CDK19: variants seen among roughly 807,000 people sequenced by gnomAD.
The protein encoded by CDK19 is cyclin-dependent kinase 19.
Under a neutral mutation model 68.3 loss-of-function variants are expected in CDK19, and 20 were observed. That is an observed-to-expected ratio of 0.29 (90% confidence interval 0.21 to 0.43). The LOEUF (loss-of-function observed/expected upper bound fraction) is 0.43, where lower values mean the gene tolerates loss of function less well. Ranked by LOEUF, CDK19 falls within the 20% of genes least tolerant of loss-of-function variation. The pLI, the probability that CDK19 is intolerant of heterozygous loss-of-function variation, is 1.00. For synonymous variants in CDK19, 221 were observed against 222.8 expected (o/e 0.99, Z 0.07); for missense variants, 339 against 623.5 (o/e 0.54, Z 4.86).
chr6:110,767,672 G>C (rs955571887), intron 1 of CDK19, among the ~76,000 whole-genome samples: 1 of 151,818 alleles, frequency 6.6e-6, no homozygotes, highest in African/African-American at 2.4e-5. Flanking sequence ...AGAGAATTTT[G>C]AATGTTCCCA....
At chr6:110,723,151 CA>C (rs34599467) in intron 2 of CDK19, among the ~76,000 whole-genome samples, 5 of 132,234 alleles carry the variant, frequency 3.8e-5, no homozygotes, top group African/African-American at 8.7e-5. Flanking sequence ...AAACAAAAAA[CA>C]AAAAAAAAAA....
intron 2 of CDK19, among the ~76,000 whole-genome samples, chr6:110,730,146 T>G (rs1776639485): frequency 6.6e-6 from 1 of 152,190 alleles, no homozygotes; most frequent in South Asian, 2.1e-4. Context: ...TTGGATTTAT[T>G]ATACTCCAAT....
At chr6:110,693,526 G>A (rs960884561) in intron 2 of CDK19, among the ~76,000 whole-genome samples, 1 of 152,200 alleles carries the variant, frequency 6.6e-6, no homozygotes, top group Non-Finnish European at 1.5e-5. Context: ...AGCCCTATAG[G>A]CTGGCTGCCT....
At chr6:110,646,212 G>A in intron 4 of CDK19, 1 of 1,420,760 alleles carries the variant, frequency 7.0e-7, no homozygotes, top group Non-Finnish European at 9.4e-7. Flanking sequence ...CAACTCGTCG[G>A]GGTCCGACGC....
At chr6:110,793,121 C>T (rs1562293083) in intron 1 of CDK19, among the ~76,000 whole-genome samples, 1 of 152,076 alleles carries the variant, frequency 6.6e-6, no homozygotes, top group Non-Finnish European at 1.5e-5. Context: ...TACTAGGAAT[C>T]AGGAGCAAAA....
chr6:110,788,541 T>G (rs1781392331), intron 1 of CDK19, among the ~76,000 whole-genome samples: 1 of 152,202 alleles, frequency 6.6e-6, no homozygotes, highest in African/African-American at 2.4e-5. Context: ...TTTAGATCCT[T>G]CACCTTTCTT....
At chr6:110,735,615 T>C (rs537008599) in intron 2 of CDK19, among the ~76,000 whole-genome samples, 198 of 152,316 alleles carry the variant, frequency 1.3e-3, no homozygotes, top group Non-Finnish European at 2.5e-3. Flanking sequence ...GATTAATAAT[T>C]CTTCTAAATC....
chr6:110,695,572 G>A (rs1326692425), intron 2 of CDK19, among the ~76,000 whole-genome samples: 1 of 151,948 alleles, frequency 6.6e-6, no homozygotes, highest in Non-Finnish European at 1.5e-5. Flanking sequence ...TCTTTGAAAA[G>A]ATAAACAAAA....
At chr6:110,689,089 C>T (rs80005796) in intron 2 of CDK19, among the ~76,000 whole-genome samples, 1,882 of 152,240 alleles carry the variant, frequency 0.012, 33 homozygotes, top group African/African-American at 0.043. Context: ...TCAGATCTGC[C>T]TTGCCAAGTG....
At chr6:110,781,732 T>C (rs1351605186) in intron 1 of CDK19, among the ~76,000 whole-genome samples, 1 of 151,770 alleles carries the variant, frequency 6.6e-6, no homozygotes, top group African/African-American at 2.4e-5. Context: ...TAGTCCCACC[T>C]ACTCAGGAGG....
intron 4 of CDK19, among the ~76,000 whole-genome samples, chr6:110,652,316 A>G (rs1353334408): frequency 6.6e-6 from 1 of 152,212 alleles, no homozygotes; most frequent in Admixed American, 6.5e-5. Flanking sequence ...ATTGGGTCAT[A>G]GGTGATTCCA....
intron 2 of CDK19, among the ~76,000 whole-genome samples, chr6:110,729,627 G>C: frequency 7.9e-6 from 1 of 127,324 alleles, no homozygotes. Flanking sequence ...TTTTTTAGTA[G>C]AGATGGGGTT....
intron 2 of CDK19, among the ~76,000 whole-genome samples, chr6:110,688,613 C>T (rs1309391900): frequency 6.6e-6 from 1 of 152,176 alleles, no homozygotes; most frequent in Non-Finnish European, 1.5e-5. Context: ...CCAAGATATA[C>T]ATCCCCACCA....
chr6:110,723,360 A>G (rs556450856), intron 2 of CDK19, among the ~76,000 whole-genome samples: 1 of 152,196 alleles, frequency 6.6e-6, no homozygotes, highest in East Asian at 1.9e-4. Context: ...GATCCCAGTC[A>G]CCACATGGCT....
intron 2 of CDK19, among the ~76,000 whole-genome samples, chr6:110,716,756 A>C (rs372848945): frequency 1.3e-5 from 2 of 152,192 alleles, no homozygotes; most frequent in African/African-American, 2.4e-5. Flanking sequence ...TCTACTCTCT[A>C]TATATTCTTC....
At chr6:110,720,647 A>G (rs1775794216) in intron 2 of CDK19, among the ~76,000 whole-genome samples, 2 of 152,064 alleles carry the variant, frequency 1.3e-5, no homozygotes, top group Non-Finnish European at 2.9e-5. Context: ...CAGGCAGATT[A>G]CCTGAGGTCA....
chr6:110,636,796 A>G (rs1779804607), intron 5 of CDK19, among the ~76,000 whole-genome samples: 1 of 152,258 alleles, frequency 6.6e-6, no homozygotes, highest in African/African-American at 2.4e-5. Context: ...TAAATTGGGA[A>G]AAGGACGATG....
chr6:110,802,720 T>A (rs1782425669), intron 1 of CDK19, among the ~76,000 whole-genome samples: 1 of 152,086 alleles, frequency 6.6e-6, no homozygotes, highest in African/African-American at 2.4e-5. Context: ...CACATTGACA[T>A]CAGAGATAGT....
intron 5 of CDK19, among the ~76,000 whole-genome samples, chr6:110,633,163 G>A (rs1779551587): frequency 6.6e-6 from 1 of 152,154 alleles, no homozygotes; most frequent in Non-Finnish European, 1.5e-5. Context: ...AGGTTGCAGT[G>A]AGCCGAGTTC....
Sources: allele counts gnomAD v4.1 joint callset (sites outside exome capture counted in the v4.1 genomes callset), GRCh38; gene constraint gnomAD v4.1.1; transcripts MANE v1.5; gene names NCBI Gene and HGNC (gene_info 2026-07-23, HGNC 2026-07-21).